The following EFHD1 variants were observed in gnomAD, a reference collection of about 807,000 sequenced individuals.
The protein encoded by EFHD1 is EF-hand domain-containing protein D1.
In EFHD1, 10 loss-of-function variants were observed where a neutral mutation model predicts 17.2. The ratio of observed to expected loss-of-function variants is 0.58; its 90% CI spans 0.36 to 0.99. EFHD1 has a LOEUF of 0.99. EFHD1 is among the 50% of genes least tolerant of loss of function. The pLI is 0.01. For synonymous variants in EFHD1, 153 were observed against 142.0 expected, an observed-to-expected ratio of 1.08 and a Z score of -0.55; for missense variants, 310 against 327.5, an observed-to-expected ratio of 0.95 and a Z score of 0.41.
At chr2:232,615,459 C>T (rs1342795170) in intron 1 of EFHD1, among the ~76,000 whole-genome samples, 1 of 151,846 alleles carries the variant, frequency 6.6e-6, no homozygotes, top group African/African-American at 2.4e-5. Context: ...AGATTTGGTG[C>T]TCACCTCGAC....
At chr2:232,653,358 T>G (rs1295593237) in intron 1 of EFHD1, among the ~76,000 whole-genome samples, 1 of 152,138 alleles carries the variant, frequency 6.6e-6, no homozygotes, top group Admixed American at 6.5e-5. Flanking sequence ...TGGCATGATC[T>G]TGGCTCACCA....
chr2:232,632,850 T>G (rs1169233693), upstream of EFHD1, among the ~76,000 whole-genome samples: 21 of 152,236 alleles, frequency 1.4e-4, no homozygotes, highest in Non-Finnish European at 2.8e-4. Context: ...GGTCTCGAAC[T>G]CCTGGGCTCA....
In EFHD1 at chr2:232,681,849, C is replaced by G; in HGVS notation, c.*130C>G. 2.9e-6 allele frequency: 4 copies of G among 1,386,524 alleles called. No homozygotes were observed. The highest frequency in any genetic ancestry group is 3.8e-6 in the Non-Finnish European group (4 of 1,045,184). The allele number at this position is 1,386,524 out of a possible 1,614,324, so 85.9% of individuals were successfully genotyped here. ...ATCTCCATCCACCACCCCGTGCCAGCTCCCGTGCCAGCCTTCATTCCTCCC... is the reference window on the plus strand; with the variant it reads ...ATCTCCATCCACCACCCCGTGCCAGGTCCCGTGCCAGCCTTCATTCCTCCC... On this transcript the variant is annotated 3_prime_UTR_variant, in exon 4 of 4. Coordinates refer to ENST00000264059, the MANE Select transcript of EFHD1 (RefSeq NM_025202.4).
intron 1 of EFHD1, among the ~76,000 whole-genome samples, chr2:232,652,128 A>G (rs977928098): frequency 2.0e-5 from 3 of 152,204 alleles, no homozygotes; most frequent in African/African-American, 4.8e-5. Flanking sequence ...TTTGAAGGGT[A>G]TGGCTGGTGA....
intron 1 of EFHD1, among the ~76,000 whole-genome samples, chr2:232,613,719 TAC>T (rs750423810): frequency 4.4e-5 from 6 of 134,972 alleles, no homozygotes; most frequent in Non-Finnish European, 6.4e-5. Flanking sequence ...CACACAAATA[TAC>T]ACACACATAT....
chr2:232,665,260 T>G (rs1409093801), intron 2 of EFHD1, among the ~76,000 whole-genome samples: 1 of 152,024 alleles, frequency 6.6e-6, no homozygotes, highest in African/African-American at 2.4e-5. Flanking sequence ...GCTAAGAACG[T>G]CTGAGAAAGC....
chr2:232,619,774 T>C (rs144108992), intron 1 of EFHD1, among the ~76,000 whole-genome samples: 47 of 152,224 alleles, frequency 3.1e-4, no homozygotes, highest in African/African-American at 1.1e-3. Context: ...CCTGGAACTG[T>C]AATGCCAGAG....
chr2:232,655,295 C>T (rs527759989), intron 1 of EFHD1, among the ~76,000 whole-genome samples: 21 of 152,312 alleles, frequency 1.4e-4, no homozygotes, highest in Admixed American at 5.2e-4. Context: ...GCTAGGATTA[C>T]AGGTTCAAGC....
intron 1 of EFHD1, among the ~76,000 whole-genome samples, chr2:232,627,804 T>C (rs1216226001): frequency 8.5e-5 from 13 of 152,194 alleles, no homozygotes. Context: ...CTTATTATTA[T>C]ATTATTTTTA....
At chr2:232,607,702 T>A (rs753000291) in intron 1 of EFHD1, among the ~76,000 whole-genome samples, 12 of 151,754 alleles carry the variant, frequency 7.9e-5, no homozygotes, top group Non-Finnish European at 1.5e-4. Context: ...TGCAGTGAGC[T>A]GTGATTGGGC....
intron 3 of EFHD1, among the ~76,000 whole-genome samples, chr2:232,679,986 C>T (rs959224558): frequency 6.6e-6 from 1 of 152,038 alleles, no homozygotes; most frequent in Non-Finnish European, 1.5e-5. Context: ...AAATAACGTA[C>T]ATAAGGCTGG....
intron 1 of EFHD1, among the ~76,000 whole-genome samples, chr2:232,655,318 C>T (rs564632287): frequency 6.6e-6 from 1 of 152,252 alleles, no homozygotes; most frequent in African/African-American, 2.4e-5. Flanking sequence ...CTGTACCTGC[C>T]CTTAGTGGTC....
chr2:232,606,461 C>T (rs889865456), intron 1 of EFHD1: 5 of 554,604 alleles, frequency 9.0e-6, no homozygotes, highest in African/African-American at 7.5e-5. Flanking sequence ...TCGTCCTCCC[C>T]TGGAATGTCA....
chr2:232,638,229 G>A, intron 1 of EFHD1: 1 of 413,926 alleles, frequency 2.4e-6, no homozygotes, highest in Non-Finnish European at 5.0e-6. Flanking sequence ...GACTTATCTG[G>A]AGGCCTCTTT....
intron 1 of EFHD1, among the ~76,000 whole-genome samples, chr2:232,659,958 A>G (rs769577570): frequency 1.3e-5 from 2 of 152,106 alleles, no homozygotes; most frequent in Non-Finnish European, 2.9e-5. Flanking sequence ...AGGTCTTGCA[A>G]GAACTCACTC....
At chr2:232,679,052 T>C (rs1328190515) in intron 3 of EFHD1, among the ~76,000 whole-genome samples, 1 of 152,146 alleles carries the variant, frequency 6.6e-6, no homozygotes, top group Non-Finnish European at 1.5e-5. Context: ...TGTCAGCACA[T>C]TTGCCTTCTG....
At chr2:232,615,698 T>TC (rs2106183850) in intron 1 of EFHD1, among the ~76,000 whole-genome samples, 1 of 149,148 alleles carries the variant, frequency 6.7e-6, no homozygotes, top group Non-Finnish European at 1.5e-5. Flanking sequence ...TTTTTTTTTT[T>TC]TTTTTTGAGA....
intron 1 of EFHD1, among the ~76,000 whole-genome samples, chr2:232,623,934 G>A (rs1694066133): frequency 6.6e-6 from 1 of 152,072 alleles, no homozygotes; most frequent in Non-Finnish European, 1.5e-5. Context: ...CCAGGGGCCA[G>A]AACCAAGAGT....
intron 1 of EFHD1, among the ~76,000 whole-genome samples, chr2:232,613,963 TA>T (rs1195811029): frequency 6.7e-6 from 1 of 150,160 alleles, no homozygotes; most frequent in African/African-American, 2.5e-5. Flanking sequence ...TACACACACA[TA>T]CACACGTGAA....
Sources: allele counts gnomAD v4.1 joint callset (sites outside exome capture counted in the v4.1 genomes callset), GRCh38; gene constraint gnomAD v4.1.1; transcripts MANE v1.5; gene names NCBI Gene and HGNC (gene_info 2026-07-23, HGNC 2026-07-21).